Variants in MEGF8 observed in about 807,000 individuals in gnomAD.
MEGF8 encodes multiple epidermal growth factor-like domains protein 8.
A neutral mutation model predicts 302.9 loss-of-function variants in MEGF8; 156 were observed. The ratio of observed to expected loss-of-function variants is 0.52; its 90% CI spans 0.45 to 0.59. The LOEUF is 0.59. Among genes scored for constraint, MEGF8 ranks in the 20% least tolerant of loss-of-function variants. The pLI is 0.00. For synonymous variants in MEGF8, 1,621 were observed against 1,660.5 expected, an observed-to-expected ratio of 0.98 and a Z score of 0.58; for missense variants, 3,345 against 3,964.5, an observed-to-expected ratio of 0.84 and a Z score of 4.20.
At chr19:42,355,415 G>A (rs563265692) in intron 23 of MEGF8, among the ~76,000 whole-genome samples, 13 of 152,248 alleles carry the variant, frequency 8.5e-5, no homozygotes, top group Admixed American at 2.0e-4. Context: ...GCTGATTACA[G>A]GGCCCAATTC....
chr19:42,376,698 G>A lies in MEGF8; in HGVS notation c.8461G>A (p.Gly2821Arg). The A allele has an allele frequency of 6.6e-7, 1 of 1,507,760 alleles. No individual in the cohort carries two copies. The highest frequency in any genetic ancestry group is 8.9e-7 in the Non-Finnish European group (1 of 1,128,330). 93.4% of individuals were successfully genotyped at this position (1,507,760 alleles called of 1,614,324 possible). The change falls in exon 42 of 42, where the codon GGG becomes AGG. Residue 2821 changes from glycine (G) to arginine (R), a missense_variant. Transcript: ENST00000251268. This position sits in a 1 kb window ranked among gnomAD's most constrained non-coding sequence, Gnocchi z 8.2. Reference protein sequence around the residue: ...HEYCGGGGGAGGSGHGTGAGR... With the variant: ...HEYCGGGGGARGSGHGTGAGR... ...GTACTGTGGGGGTGGTGGGGGTGCTGGGGGCAGTGGGCATGGGACTGGTGC... is the reference window on the plus strand; with the variant it reads ...GTACTGTGGGGGTGGTGGGGGTGCTAGGGGCAGTGGGCATGGGACTGGTGC...
In MEGF8 at chr19:42,371,336, A is replaced by G. The variant is rs760026848; in HGVS notation, c.7137-14A>G. 5 of 1,613,542 alleles carry G rather than the reference A, an allele frequency of 3.1e-6. No individual in the cohort carries two copies. The highest frequency in any genetic ancestry group is 4.2e-6 in the Non-Finnish European group (5 of 1,179,692). On this transcript the variant is annotated splice_polypyrimidine_tract_variant and intron_variant, in intron 40 of 41. Coordinates refer to ENST00000251268, the MANE Select transcript of MEGF8 (RefSeq NM_001271938.2). ...AGGCCATGGGGGCTCCGTAACCCTC[A>G]ACTTCTTCCCCAGATGCCAGTGTAA...
rs1346522682 is a variant in MEGF8, at chr19:42,353,810, G to A, written c.3797G>A (p.Arg1266His). The change falls in exon 22 of 42, where the codon CGC becomes CAC. Residue 1266 changes from arginine (R) to histidine (H), a missense_variant. Physicochemically the swap from Arg to His is conservative, Grantham distance 29 (BLOSUM62 0). Transcript: ENST00000251268. This position sits in a 1 kb window ranked among gnomAD's most constrained non-coding sequence, Gnocchi z 6.1. ...GGSCFRECGG[R>H]ALLTNVSSVA... ...TCCTGCTTTCGGGAGTGTGGGGGTC[G>A]CGCCCTCCTCACCAACGTGTCCTCA... 3.7e-6 allele frequency: 6 copies of A among 1,608,528 alleles called. No homozygotes were observed. Among genetic ancestry groups the A allele is most frequent in the Non-Finnish European group, 5.1e-6 (6 of 1,176,184 alleles).
At chr19:42,359,405 C>CT (rs75689235) in intron 31 of MEGF8, among the ~76,000 whole-genome samples, 163 bp downstream of exon 31, 9 of 149,406 alleles carry the variant, frequency 6.0e-5, no homozygotes, top group South Asian at 2.1e-4. Context: ...GCCCTCCTTC[C>CT]TTTTTTTTTT....
In MEGF8 at chr19:42,358,230, G is replaced by A. The variant is rs1241997062; in HGVS notation, c.5098G>A (p.Ala1700Thr). Residue 1700 changes from alanine to threonine, a missense_variant, in exon 29 of 42, where the codon GCC (alanine) becomes ACC (threonine). By Grantham distance (58) the Ala-to-Thr change is moderately conservative (BLOSUM62 0). Transcript: ENST00000251268. The surrounding 1 kb of genome is among the most constrained non-coding windows in gnomAD (Gnocchi z 4.4). Reference sequence around the variant, plus strand: ...GTTCCGATTCCATGTGGAGCTGGCGGCCCCATCCCCCGAGCTCTACTCCCT... The same window carrying A: ...GTTCCGATTCCATGTGGAGCTGGCGACCCCATCCCCCGAGCTCTACTCCCT... ...GGFRFHVELA[A>T]PSPELYSLHC... The A allele has an allele frequency of 1.2e-6, 2 of 1,601,572 alleles. No individual in the cohort carries two copies. Among genetic ancestry groups the A allele is most frequent in the South Asian group, 2.3e-5 (2 of 88,498 alleles).
chr19:42,335,744 A>G (rs2039118490), intron 5 of MEGF8, among the ~76,000 whole-genome samples, 187 bp from the exon 6 acceptor site: 1 of 150,790 alleles, frequency 6.6e-6, no homozygotes, highest in Non-Finnish European at 1.5e-5. Flanking sequence ...TCTCTCTCTT[A>G]TTGTATTTCT....
At position 42,344,981 on chromosome 19, in the gene MEGF8, AT is replaced by A. The variant is rs1445410744; in HGVS notation, c.2097+156del. On this transcript the variant is annotated intron_variant, in intron 12 of 41. Transcript: ENST00000251268. This position sits in a 1 kb window ranked among gnomAD's most constrained non-coding sequence, Gnocchi z 4.5. The stretch of plus-strand genomic sequence containing the variant: ...ATTTTCCTTATGGACTTTATTTTTT[AT>A]TTTTTTTGAGAGGGAGTCTTGCTCT... 1.7e-4 allele frequency: 158 copies of A among 920,458 alleles called. No individual in the cohort carries two copies. Among genetic ancestry groups the A allele is most frequent in the Middle Eastern group, 7.4e-4 (2 of 2,688 alleles). The allele number at this position is 920,458 out of a possible 1,614,324, so 57.0% of individuals were successfully genotyped here. A position where few individuals can be genotyped will look rare whatever the true frequency, so the allele number is the denominator to read the frequency against.
In MEGF8 at chr19:42,336,470, T is replaced by C. The variant is rs2039130241; in HGVS notation, c.1244+124T>C. The C allele has an allele frequency of 6.0e-6, 6 of 1,005,194 alleles. No individual in the cohort carries two copies. Among genetic ancestry groups the C allele is most frequent in the Non-Finnish European group, 8.5e-6 (6 of 708,882 alleles). 62.3% of individuals were successfully genotyped at this position (1,005,194 alleles called of 1,614,324 possible). ...TGTGGTCTCTCAGTCACTCCTTCCT[T>C]CATGTATTTACTTATTCCTTCGTTC... On this transcript the variant is annotated intron_variant, in intron 6 of 41. Coordinates refer to ENST00000251268, the MANE Select transcript of MEGF8 (RefSeq NM_001271938.2). The surrounding 1 kb of genome is among the most constrained non-coding windows in gnomAD (Gnocchi z 4.8).
intron 1 of MEGF8, among the ~76,000 whole-genome samples, chr19:42,326,739 C>CTTT (rs34036568): frequency 3.4e-5 from 4 of 118,106 alleles, no homozygotes; most frequent in African/African-American, 7.4e-5. Flanking sequence ...ACTACTACTA[C>CTTT]TTTTTTTTTT....
chr19:42,336,256 G>A lies in MEGF8; in HGVS notation c.1154G>A (p.Arg385Gln), dbSNP rs764557517. 12 of 1,606,592 alleles carry A rather than the reference G, an allele frequency of 7.5e-6. No individual in the cohort carries two copies. The highest frequency in any genetic ancestry group is 1.6e-4 in the Middle Eastern group (1 of 6,078). ...GAGCAGGTGATTCCGGCAGGCGGACGGCCCCCTGCTGCCACTGGCCACTCC... is the reference window on the plus strand; with the variant it reads ...GAGCAGGTGATTCCGGCAGGCGGACAGCCCCCTGCTGCCACTGGCCACTCC... ...YWEQVIPAGG[R>Q]PPAATGHSMV... Residue 385 changes from arginine (R) to glutamine (Q), a missense_variant, in exon 6 of 42, where the codon CGG becomes CAG. Physicochemically the swap from Arg to Gln is conservative, Grantham distance 43. Transcript: ENST00000251268. This position sits in a 1 kb window ranked among gnomAD's most constrained non-coding sequence, Gnocchi z 4.8.
intron 8 of MEGF8, among the ~76,000 whole-genome samples, chr19:42,340,727 G>A (rs1299143025): frequency 6.6e-6 from 1 of 152,078 alleles, no homozygotes; most frequent in Non-Finnish European, 1.5e-5. Context: ...GAGTGCGGTA[G>A]CATAGTCTCC....
At chr19:42,363,713 G>A (rs1197226043) in intron 35 of MEGF8, among the ~76,000 whole-genome samples, 1 of 151,726 alleles carries the variant, frequency 6.6e-6, no homozygotes, top group Non-Finnish European at 1.5e-5. Flanking sequence ...GGAACTTTTG[G>A]TTATAAGAAA....
At position 42,369,755 on chromosome 19, in the gene MEGF8, C is replaced by G; in HGVS notation, c.6834+32C>G. The stretch of plus-strand genomic sequence containing the variant: ...CGCCCGGAGCCTCAGACCCCCGACC[C>G]TGGGACCCAGGCCCTCACTTGCCTT... On this transcript the variant is annotated intron_variant, in intron 38 of 41. Transcript: ENST00000251268. This position sits in a 1 kb window ranked among gnomAD's most constrained non-coding sequence, Gnocchi z 5.7. The G allele has an allele frequency of 6.4e-7, 1 of 1,564,458 alleles. No individual in the cohort carries two copies. Among genetic ancestry groups the G allele is most frequent in the East Asian group, 2.4e-5 (1 of 42,408 alleles).
At position 42,334,209 on chromosome 19, in the gene MEGF8, C is replaced by T. The variant is rs1189607111; in HGVS notation, c.554C>T (p.Ala185Val). The T allele has an allele frequency of 6.3e-7, 1 of 1,592,764 alleles. No homozygotes were observed. Among genetic ancestry groups the T allele is most frequent in the South Asian group, 1.1e-5 (1 of 89,194 alleles). ...TACTGTGGCAGCCACGGCACCTGCGCCTCGGTGAGCCGGTCCCCAGCCCTG... is the reference window on the plus strand; with the variant it reads ...TACTGTGGCAGCCACGGCACCTGCGTCTCGGTGAGCCGGTCCCCAGCCCTG... ...SAYCGSHGTC[A>V]SPLGPCRCEP... Residue 185 changes from alanine (A) to valine (V), a missense_variant, in exon 3 of 42, where the codon GCC becomes GTC. By Grantham distance (64) the Ala-to-Val change is moderately conservative. Coordinates refer to ENST00000251268, the MANE Select transcript of MEGF8 (RefSeq NM_001271938.2).
At position 42,352,202 on chromosome 19, in the gene MEGF8, C is replaced by T. The variant is rs1328237354; in HGVS notation, c.3102-6C>T. 1 of 1,519,234 alleles carries T rather than the reference C, an allele frequency of 6.6e-7. No individual in the cohort carries two copies. Among genetic ancestry groups the T allele is most frequent in the Middle Eastern group, 1.7e-4 (1 of 5,774 alleles). The allele number at this position is 1,519,234 out of a possible 1,614,324, so 94.1% of individuals were successfully genotyped here. A position where few individuals can be genotyped will look rare whatever the true frequency, so the allele number is the denominator to read the frequency against. ...TCCCCCGCTTCTTCACTCTCCCACC[C>T]TGCAGGTGCCTACAGGGGGACTTCT... On this transcript the variant is annotated splice_polypyrimidine_tract_variant and splice_region_variant and intron_variant, in intron 18 of 41. Coordinates refer to ENST00000251268, the MANE Select transcript of MEGF8 (RefSeq NM_001271938.2). This position sits in a 1 kb window ranked among gnomAD's most constrained non-coding sequence, Gnocchi z 4.4.
In MEGF8 at chr19:42,358,209, C is replaced by T. The variant is rs1009453797; in HGVS notation, c.5077C>T (p.Arg1693Ter). The T allele has an allele frequency of 6.2e-7, 1 of 1,603,848 alleles. No individual in the cohort carries two copies. Among genetic ancestry groups the T allele is most frequent in the Admixed American group, 1.7e-5 (1 of 58,668 alleles). Residue 1693 changes from arginine to a stop codon, truncating the protein, a stop_gained, in exon 29 of 42, where the codon CGA (arginine) becomes TGA (stop). Transcript: ENST00000251268. LOFTEE classifies it high-confidence loss of function. This position sits in a 1 kb window ranked among gnomAD's most constrained non-coding sequence, Gnocchi z 4.4. ...TDSLYVFGGFRFHVELAAPSP... is the reference protein window; with the variant it reads ...TDSLYVFGGF ...CTCCCTCTACGTGTTTGGGGGGTTC[C>T]GATTCCATGTGGAGCTGGCGGCCCC...
intron 15 of MEGF8, among the ~76,000 whole-genome samples, 172 bp downstream of exon 15, chr19:42,350,556 G>A (rs989476137): frequency 3.9e-5 from 6 of 152,174 alleles, no homozygotes; most frequent in Admixed American, 3.3e-4. Flanking sequence ...AGGCACCTGG[G>A]GAGTCAGGAC....
chr19:42,361,607 A>G (rs953516171), intron 32 of MEGF8, among the ~76,000 whole-genome samples: 1 of 152,116 alleles, frequency 6.6e-6, no homozygotes, highest in African/African-American at 2.4e-5. Flanking sequence ...CTTTTCTAAA[A>G]TCCAGAACAG....
rs1275349542 is a variant in MEGF8, at chr19:42,378,241, A to G, written c.*1466A>G. 2 of 152,392 alleles carry G rather than the reference A, an allele frequency of 1.3e-5. No individual in the cohort carries two copies. Among genetic ancestry groups the G allele is most frequent in the South Asian group, 2.1e-4 (1 of 4,828 alleles). The allele number at this position is 152,392 out of a possible 1,614,324, so 9.4% of individuals were successfully genotyped here. ...GCACCCTGAGACAGCCCAGAGGTGA[A>G]TAGGACCCCCAGGCTGCAGGGATAA... is the stretch of plus-strand genomic sequence containing the variant. On this transcript the variant is annotated 3_prime_UTR_variant, in exon 42 of 42. Coordinates refer to ENST00000251268, the MANE Select transcript of MEGF8 (RefSeq NM_001271938.2).
Sources: gnomAD v4.1 joint callset for allele counts (sites outside exome capture counted in the v4.1 genomes callset) on GRCh38, gnomAD v4.1.1 for gene constraint, Gnocchi (gnomAD v3.1) non-coding constraint, MANE v1.5 for transcripts, NCBI Gene and HGNC (gene_info 2026-07-23, HGNC 2026-07-21) for gene names.